CTSC: variants seen among roughly 807,000 people sequenced by gnomAD.
CTSC encodes dipeptidyl peptidase 1.
In CTSC, 37 loss-of-function variants were observed where a neutral mutation model predicts 40.9. That is an observed-to-expected ratio of 0.91 (90% CI 0.70 to 1.19). The LOEUF (loss-of-function observed/expected upper bound fraction) is 1.19, where lower values mean the gene tolerates loss of function less well. CTSC is among the 50% of genes most tolerant of loss of function. The pLI is 0.00. For synonymous variants in CTSC, 232 were observed against 207.4 expected (o/e 1.12, Z -1.02); for missense variants, 594 against 567.3 (o/e 1.05, Z -0.48).
chr11:88,311,471 T>G (rs1937755017), intron 3 of CTSC, among the ~76,000 whole-genome samples: 1 of 152,186 alleles, frequency 6.6e-6, no homozygotes, highest in African/African-American at 2.4e-5. Flanking sequence ...TACAACTACA[T>G]AAAACAGAAA....
At chr11:88,302,262 T>C (rs918801328) in intron 4 of CTSC, among the ~76,000 whole-genome samples, 3 of 152,206 alleles carry the variant, frequency 2.0e-5, no homozygotes, top group Admixed American at 6.5e-5. Flanking sequence ...GGCTACTTCA[T>C]GCCCTCTGCA....
Position 88,337,681 on chromosome 11 carries a change from G to C in CTSC, c.-9C>G, listed in dbSNP as rs775826932. 6 of 1,567,628 alleles carry C rather than the reference G, an allele frequency of 3.8e-6. No homozygotes were observed. The highest frequency in any genetic ancestry group is 2.4e-5 in the East Asian group (1 of 42,280). On this transcript the variant is annotated 5_prime_UTR_variant, in exon 1 of 7. Transcript: ENST00000227266. The stretch of plus-strand genomic sequence containing the variant: ...GAGGGCCCAGCACCCATGCTGCAGG[G>C]AGCTGAGAAAAGAGGTGAAGAATTA...
chr11:88,326,512 T>A (rs1423153007), intron 2 of CTSC: 26 of 871,330 alleles, frequency 3.0e-5, no homozygotes, highest in Non-Finnish European at 4.4e-5. Context: ...TTTAATCATA[T>A]CAGTTTCTTT....
At chr11:88,326,589 G>A (rs1591240418) in intron 2 of CTSC, 2 of 659,754 alleles carry the variant, frequency 3.0e-6, no homozygotes, top group East Asian at 5.4e-5. Context: ...TAAATGTTAA[G>A]ACATTCACAG....
At chr11:88,302,389 C>T (rs558377424) in intron 4 of CTSC, among the ~76,000 whole-genome samples, 1 of 152,032 alleles carries the variant, frequency 6.6e-6, no homozygotes, top group South Asian at 2.1e-4. Flanking sequence ...ATTGGGAGGC[C>T]GAGGCGGGCG....
At chr11:88,313,209 A>AAAGGTGCTTACCACC (rs1284092040) in intron 2 of CTSC, among the ~76,000 whole-genome samples, 11 of 152,160 alleles carry the variant, frequency 7.2e-5, no homozygotes, top group African/African-American at 2.7e-4. Context: ...AGCTGGGATT[A>AAAGGTGCTTACCACC]AAGGTGCTTA....
chr11:88,305,249 G>C (rs1591225474), intron 4 of CTSC, among the ~76,000 whole-genome samples: 1 of 152,204 alleles, frequency 6.6e-6, no homozygotes, highest in East Asian at 1.9e-4. Flanking sequence ...TCTGTCTATG[G>C]AGTAGCCATT....
At chr11:88,329,726 G>C (rs1443756304) in intron 2 of CTSC, among the ~76,000 whole-genome samples, 4 of 152,124 alleles carry the variant, frequency 2.6e-5, no homozygotes, top group African/African-American at 9.7e-5. Flanking sequence ...TTGTGTGTGT[G>C]TGTGTTTTGT....
At chr11:88,297,721 C>A (rs1216181149) in intron 5 of CTSC, 1 of 152,316 alleles carries the variant, frequency 6.6e-6, no homozygotes, top group South Asian at 2.1e-4. Flanking sequence ...CTTCATCAAG[C>A]CCCTGACCTG....
intron 2 of CTSC, among the ~76,000 whole-genome samples, chr11:88,313,195 G>A (rs1223413801): frequency 3.3e-5 from 5 of 152,020 alleles, no homozygotes; most frequent in East Asian, 1.9e-4. Flanking sequence ...TCAACCTCCC[G>A]AGTAGCTGGG....
At chr11:88,298,755 C>T (rs1471597562) in intron 5 of CTSC, 1 of 152,118 alleles carries the variant, frequency 6.6e-6, no homozygotes. Flanking sequence ...TTTCTCTGTA[C>T]AAATCATACT....
At chr11:88,304,471 C>G (rs575486325) in intron 4 of CTSC, among the ~76,000 whole-genome samples, 10 of 152,164 alleles carry the variant, frequency 6.6e-5, no homozygotes, top group African/African-American at 1.7e-4. Context: ...ATTTGCCCAT[C>G]ATTGCACACA....
intron 3 of CTSC, 54 bp from the exon 4 acceptor site, chr11:88,309,372 GTAAT>G: frequency 6.8e-7 from 1 of 1,479,694 alleles, no homozygotes; most frequent in African/African-American, 1.4e-5. Context: ...TGTAAATAGA[GTAAT>G]TAAAACAGGC....
chr11:88,328,409 A>T (rs1278548318), intron 2 of CTSC, among the ~76,000 whole-genome samples: 1 of 152,228 alleles, frequency 6.6e-6, no homozygotes, highest in African/African-American at 2.4e-5. Flanking sequence ...CAAATTTTAA[A>T]AAGTATACCT....
intron 2 of CTSC, among the ~76,000 whole-genome samples, chr11:88,320,589 T>C (rs1392615352): frequency 2.0e-5 from 3 of 152,198 alleles, no homozygotes; most frequent in Non-Finnish European, 2.9e-5. Context: ...TTTTTAGTAG[T>C]TTTGAAAGTT....
At chr11:88,302,438 A>G (rs1205923628) in intron 4 of CTSC, among the ~76,000 whole-genome samples, 2 of 152,076 alleles carry the variant, frequency 1.3e-5, no homozygotes, top group Non-Finnish European at 2.9e-5. Flanking sequence ...CCTGGCTAAC[A>G]CAGTGAAACC....
At chr11:88,294,781 C>CTT (rs1944279893) in intron 6 of CTSC, among the ~76,000 whole-genome samples, 2 of 152,186 alleles carry the variant, frequency 1.3e-5, no homozygotes, top group African/African-American at 4.8e-5. Flanking sequence ...AGGTTTAAAG[C>CTT]CAAAGCCGTG....
intron 2 of CTSC, among the ~76,000 whole-genome samples, chr11:88,320,142 G>A (rs970893701): frequency 3.3e-5 from 5 of 152,118 alleles, no homozygotes; most frequent in Non-Finnish European, 5.9e-5. Context: ...TTAAAAAGTC[G>A]AATTGTAATA....
rs376699094 is a variant in CTSC, at chr11:88,320,183, T to C, written c.319-7629A>G. Among the ~76,000 whole-genome samples, 17 of 152,286 alleles carry C rather than the reference T, an allele frequency of 1.1e-4. No individual in the cohort carries two copies. The South Asian group carries it at 3.3e-3, about 30-fold the overall frequency. ...CAAAACTGCCAGGAAATAGTTACAGTGGTTACAGCCAAGCAACTTCCAGCA... is the reference window on the plus strand; with the variant it reads ...CAAAACTGCCAGGAAATAGTTACAGCGGTTACAGCCAAGCAACTTCCAGCA... On this transcript the variant is annotated intron_variant, in intron 2 of 6. Coordinates refer to ENST00000227266, the MANE Select transcript of CTSC (RefSeq NM_001814.6).
Sources: gnomAD v4.1 joint callset for allele counts (sites outside exome capture counted in the v4.1 genomes callset) on GRCh38, gnomAD v4.1.1 for gene constraint, MANE v1.5 for transcripts, NCBI Gene and HGNC (gene_info 2026-07-23, HGNC 2026-07-21) for gene names.